Variants in CNTNAP3B observed in about 807,000 individuals in gnomAD.
CNTNAP3B encodes the protein contactin associated protein family member 3B.
CNTNAP3B carries 25 observed loss-of-function variants against 108.9 expected under a neutral mutation model. The ratio of observed to expected loss-of-function variants is 0.23; its 90% CI spans 0.17 to 0.32. The LOEUF (loss-of-function observed/expected upper bound fraction) is 0.32. CNTNAP3B is among the 10% of genes least tolerant of loss of function. CNTNAP3B has a pLI of 1.00. For missense variants in CNTNAP3B, 252 were observed against 1,210.4 expected, an observed-to-expected ratio of 0.21 and a Z score of 11.75; for synonymous variants, 103 against 473.4, an observed-to-expected ratio of 0.22 and a Z score of 10.16.
At chr9:41,949,486 C>G (rs1307166307) in intron 13 of CNTNAP3B, among the ~76,000 whole-genome samples, 1 of 104,568 alleles carries the variant, frequency 9.6e-6, no homozygotes, top group Non-Finnish European at 2.1e-5. Context: ...CCCTGCTACA[C>G]AGCTACCACG....
At chr9:41,934,101 A>ATATATATGTG (rs1491545019) in intron 14 of CNTNAP3B, among the ~76,000 whole-genome samples, 1 of 35,652 alleles carries the variant, frequency 2.8e-5, no homozygotes, top group African/African-American at 1.1e-4. Flanking sequence ...TATTTGTTAC[A>ATATATATGTG]TATATATATA....
At chr9:42,092,631 GT>G (rs1827830215) in intron 2 of CNTNAP3B, among the ~76,000 whole-genome samples, 1 of 81,226 alleles carries the variant, frequency 1.2e-5, no homozygotes, top group South Asian at 4.0e-4. Context: ...ATATTTTCCT[GT>G]TTTTTTAAAT....
At chr9:41,930,684 A>G (rs1164565835) in intron 14 of CNTNAP3B, among the ~76,000 whole-genome samples, 5 of 152,302 alleles carry the variant, frequency 3.3e-5, no homozygotes, top group Non-Finnish European at 4.4e-5. Context: ...CCTATTGAAT[A>G]CCATGAGTAT....
chr9:41,951,920 T>C (rs1183198549), intron 13 of CNTNAP3B, among the ~76,000 whole-genome samples: 1 of 152,126 alleles, frequency 6.6e-6, no homozygotes, highest in Non-Finnish European at 1.5e-5. Context: ...CTACTAAAAA[T>C]ACAAAAATTA....
intron 14 of CNTNAP3B, among the ~76,000 whole-genome samples, chr9:41,937,085 G>C (rs568509475): frequency 1.5e-5 from 2 of 132,310 alleles, no homozygotes; most frequent in African/African-American, 3.1e-5. Context: ...CTGACACCTG[G>C]AATGACCATT....
chr9:41,956,574 A>G (rs1824867442), intron 12 of CNTNAP3B, among the ~76,000 whole-genome samples: 2 of 151,016 alleles, frequency 1.3e-5, no homozygotes, highest in African/African-American at 2.4e-5. Context: ...TATGTCCCAG[A>G]AGAAAAAAGA....
intron 1 of CNTNAP3B, among the ~76,000 whole-genome samples, chr9:42,109,524 G>A (rs1297971546): frequency 1.4e-5 from 2 of 147,494 alleles, no homozygotes; most frequent in African/African-American, 2.6e-5. Flanking sequence ...CAAAAGGAGG[G>A]GCGACAACTG....
chr9:42,111,857 T>C lies in CNTNAP3B; in HGVS notation c.86-7118A>G, dbSNP rs1244476646. 1.2e-4 allele frequency among the ~76,000 whole-genome samples: 16 copies of C among 138,694 alleles called. 2 individuals carry two copies. Among genetic ancestry groups the C allele is most frequent in the Admixed American group, 7.2e-4 (10 of 13,900 alleles). 91.0% of individuals were successfully genotyped at this position (138,694 alleles called of 152,430 possible). On this transcript the variant is annotated intron_variant, in intron 1 of 23. Transcript: ENST00000377561. Reference sequence around the variant, plus strand: ...ACCTAACTAATCCTTACAGCCAATGTTTCCTTATTGACTGTCCCCAGCCAC... The same window carrying C: ...ACCTAACTAATCCTTACAGCCAATGCTTCCTTATTGACTGTCCCCAGCCAC...
rs1444256398 is a variant in CNTNAP3B at position 42,116,126 on chromosome 9, G to T, written c.86-11387C>A. Among the ~76,000 whole-genome samples the T allele has an allele frequency of 1.4e-5, 2 of 139,346 alleles. 1 individual carries two copies. Among genetic ancestry groups the T allele is most frequent in the Non-Finnish European group, 3.1e-5 (2 of 65,034 alleles). The allele number at this position is 139,346 out of a possible 152,430, so 91.4% of individuals were successfully genotyped here. ...ACTGGAAGAAAGGGTATCAGTGATT[G>T]AGGATCAAATGAATGAAATGAAGCG... is the stretch of plus-strand genomic sequence containing the variant. On this transcript the variant is annotated intron_variant, in intron 1 of 23. Transcript: ENST00000377561.
At position 42,093,371 on chromosome 9, in the gene CNTNAP3B, TA is replaced by T. The variant is rs1177557426; in HGVS notation, c.196+11257del. On this transcript the variant is annotated intron_variant, in intron 2 of 23. Transcript: ENST00000377561. ...AAAACCAAACCAAAACAAAACAAAT[TA>T]AAAAAAAACTACTAATTATAATTTT... 9.7e-5 allele frequency among the ~76,000 whole-genome samples: 9 copies of T among 92,806 alleles called. 4 individuals carry two copies. The highest frequency in any genetic ancestry group is 2.1e-4 in the Non-Finnish European group (9 of 43,804). The allele number at this position is 92,806 out of a possible 152,430, so 60.9% of individuals were successfully genotyped here.
At chr9:42,124,352 T>C (rs1365616976) in intron 1 of CNTNAP3B, among the ~76,000 whole-genome samples, 2 of 136,002 alleles carry the variant, frequency 1.5e-5, no homozygotes, top group East Asian at 2.2e-4. Flanking sequence ...GAAAACTAGA[T>C]TTACTGTAGT....
intron 13 of CNTNAP3B, among the ~76,000 whole-genome samples, chr9:41,943,540 G>C (rs1310239116): frequency 6.6e-6 from 1 of 151,770 alleles, no homozygotes; most frequent in African/African-American, 2.4e-5. Context: ...TTTTAGTAGA[G>C]ACGTGGTTTC....
At chr9:41,966,489 G>A (rs1192135185) in intron 10 of CNTNAP3B, among the ~76,000 whole-genome samples, 6 of 152,254 alleles carry the variant, frequency 3.9e-5, no homozygotes, top group South Asian at 2.1e-4. Context: ...GATGGCAGAG[G>A]GAGGGCAGGA....
intron 11 of CNTNAP3B, among the ~76,000 whole-genome samples, chr9:41,961,646 T>C (rs545355769): frequency 1.5e-4 from 23 of 152,416 alleles, no homozygotes; most frequent in African/African-American, 5.0e-4. Flanking sequence ...ATAAATGGAA[T>C]TTATAAGCTA....
chr9:41,918,968 G>T (rs1187530092), intron 18 of CNTNAP3B, among the ~76,000 whole-genome samples: 1 of 151,774 alleles, frequency 6.6e-6, no homozygotes, highest in African/African-American at 2.4e-5. Flanking sequence ...ATTAAAGCCT[G>T]TTTTGCTGCT....
At chr9:42,118,419 C>A (rs1274416344) in intron 1 of CNTNAP3B, among the ~76,000 whole-genome samples, 2 of 138,954 alleles carry the variant, frequency 1.4e-5, no homozygotes, top group African/African-American at 2.9e-5. Flanking sequence ...GAACCAATGA[C>A]AAAAACCTCA....
chr9:41,968,797 A>G (rs1825356087), intron 10 of CNTNAP3B, among the ~76,000 whole-genome samples: 1 of 124,416 alleles, frequency 8.0e-6, no homozygotes, highest in South Asian at 2.4e-4. Flanking sequence ...AGATGCAGAT[A>G]TAACTTTTTT....
At chr9:42,028,757 A>G (rs1450382705) in intron 3 of CNTNAP3B, among the ~76,000 whole-genome samples, 8 of 150,120 alleles carry the variant, frequency 5.3e-5, no homozygotes, top group African/African-American at 1.5e-4. Flanking sequence ...TGGCATTTTT[A>G]TATAAAATAA....
chr9:41,937,014 C>G, intron 14 of CNTNAP3B, among the ~76,000 whole-genome samples: 2 of 152,070 alleles, frequency 1.3e-5, no homozygotes. Context: ...GGCCAAACAA[C>G]TCAATTTTTA....
Sources: gnomAD v4.1 joint callset for allele counts (sites outside exome capture counted in the v4.1 genomes callset) on GRCh38, gnomAD v4.1.1 for gene constraint, MANE v1.5 for transcripts, NCBI Gene and HGNC (gene_info 2026-07-23, HGNC 2026-07-21) for gene names.